Variants in HERC1 observed in about 807,000 individuals in gnomAD.
HERC1 encodes the protein HECT and RLD domain containing E3 ubiquitin protein ligase family member 1, also known as probable E3 ubiquitin-protein ligase HERC1.
Under a neutral mutation model 554.3 loss-of-function variants are expected in HERC1, and 160 were observed. The ratio of observed to expected loss-of-function variants is 0.29; its 90% CI spans 0.25 to 0.33. The LOEUF (loss-of-function observed/expected upper bound fraction) is 0.33. Among genes scored for constraint, HERC1 ranks in the 10% least tolerant of loss-of-function variants. The pLI is 1.00. For synonymous variants in HERC1, 2,175 were observed against 2,131.7 expected, an observed-to-expected ratio of 1.02 and a Z score of -0.56; for missense variants, 4,919 against 5,918.5, an observed-to-expected ratio of 0.83 and a Z score of 5.54.
Position 63,666,396 on chromosome 15 carries a change from C to T in HERC1, c.8283G>A (p.Gly2761=), listed in dbSNP as rs777417470. The T allele has an allele frequency of 6.8e-6, 11 of 1,613,696 alleles. No individual in the cohort carries two copies. Among genetic ancestry groups the T allele is most frequent in the Admixed American group, 3.3e-5 (2 of 59,996 alleles). ...PAIAVPLLEM[G]FSLRQIAKAM... ...CTTTGGCAATCTGCCGAAGAGAGAACCCCATTTCCAGCAAGGGAACTGCAA... is the reference window on the plus strand; with the variant it reads ...CTTTGGCAATCTGCCGAAGAGAGAATCCCATTTCCAGCAAGGGAACTGCAA... The change falls in exon 41 of 78, where the codon GGG becomes GGA. Residue 2761 remains glycine, a synonymous_variant. Transcript: ENST00000443617.
chr15:63,746,397 C>T (rs568552058), intron 12 of HERC1, among the ~76,000 whole-genome samples: 19 of 152,054 alleles, frequency 1.2e-4, no homozygotes, highest in South Asian at 1.2e-3. Context: ...TTTTAAGTTT[C>T]CCCCAAATTT....
In HERC1 at chr15:63,638,509, C is replaced by A. The variant is rs765589378; in HGVS notation, c.11995G>T (p.Val3999Phe). Reference sequence around the variant, plus strand: ...TGCCTACCAGCACCCCATAAGTAGACATCACATTTACCTCCCAGGTGCCAG... The same window carrying A: ...TGCCTACCAGCACCCCATAAGTAGAAATCACATTTACCTCCCAGGTGCCAG... ...EDWHLGGKCD[V>F]YLWGAGRHGQ... Residue 3999 changes from valine to phenylalanine, a missense_variant, in exon 63 of 78, where the codon GTC becomes TTC. Val to Phe is a conservative substitution (Grantham distance 50, BLOSUM62 -1). Around this residue, in one of 11 missense-constraint regions of HERC1, gnomAD observed 122 missense variants for 195.2 expected, o/e 0.63. Transcript: ENST00000443617. The A allele has an allele frequency of 6.2e-7, 1 of 1,613,902 alleles. No individual in the cohort carries two copies. Among genetic ancestry groups the A allele is most frequent in the Non-Finnish European group, 8.5e-7 (1 of 1,179,824 alleles).
chr15:63,635,158 C>T (rs2068727597), intron 65 of HERC1, among the ~76,000 whole-genome samples: 1 of 151,922 alleles, frequency 6.6e-6, no homozygotes, highest in African/African-American at 2.4e-5. Flanking sequence ...AGCAATCCTC[C>T]CACCTCAGCC....
intron 33 of HERC1, among the ~76,000 whole-genome samples, chr15:63,688,811 A>G (rs559312276): frequency 1.2e-4 from 18 of 152,254 alleles, no homozygotes; most frequent in African/African-American, 4.1e-4. Context: ...ATAATCTAGC[A>G]TTCCCAGGAA....
intron 61 of HERC1, among the ~76,000 whole-genome samples, chr15:63,639,693 G>C (rs1425086501): frequency 6.6e-6 from 1 of 152,158 alleles, no homozygotes; most frequent in Admixed American, 6.5e-5. Context: ...AGTTTCTAGA[G>C]TAGACACTCT....
intron 36 of HERC1, among the ~76,000 whole-genome samples, chr15:63,679,751 T>C (rs1354621717): frequency 1.3e-5 from 2 of 152,252 alleles, no homozygotes; most frequent in Non-Finnish European, 2.9e-5. Context: ...AGCATCTTAT[T>C]ACATTTAAAA....
chr15:63,799,941 G>C (rs12324720), intron 1 of HERC1, among the ~76,000 whole-genome samples: 1 of 151,938 alleles, frequency 6.6e-6, no homozygotes, highest in East Asian at 1.9e-4. Flanking sequence ...CTGAGCCTGC[G>C]CAACAGTGTG....
rs559414819 is a variant in HERC1, at chr15:63,699,027, T to C, written c.4637-31A>G. ...TACAAACAGAATAAACATATATCAA[T>C]GGCAATCAAGTAGAGCATACATTCT... On this transcript the variant is annotated intron_variant, in intron 25 of 77. Transcript: ENST00000443617. 4.5e-6 allele frequency: 7 copies of C among 1,566,848 alleles called. No individual in the cohort carries two copies. The East Asian group carries it at 6.8e-5, about 15-fold the overall frequency.
chr15:63,626,055 C>A lies in HERC1; in HGVS notation c.13205G>T (p.Arg4402Leu), dbSNP rs369029117. 22 of 1,612,864 alleles carry A rather than the reference C, an allele frequency of 1.4e-5. No individual in the cohort carries two copies. The highest frequency in any genetic ancestry group is 2.7e-5 in the African/African-American group (2 of 74,892). ...GAGGTCAGAGAAGTGGTAGAGCAGC[C>A]GGAGCCTGGCCCGCACCGTGTGAAT... ...VSIHTVRARL[R>L]LLYHFSDLMY... Residue 4402 changes from arginine to leucine, a missense_variant, in exon 71 of 78, where the codon CGG becomes CTG. By Grantham distance (102) the Arg-to-Leu change is moderately radical. This residue lies in a region of HERC1 where 410 missense variants were observed against 467.0 expected (regional missense o/e 0.88). Coordinates refer to ENST00000443617, the MANE Select transcript of HERC1 (RefSeq NM_003922.4).
At chr15:63,690,883 T>G (rs1479612770) in intron 31 of HERC1, among the ~76,000 whole-genome samples, 1 of 152,182 alleles carries the variant, frequency 6.6e-6, no homozygotes, top group African/African-American at 2.4e-5. Flanking sequence ...TGTAAAAAAG[T>G]ATCTGTGCCA....
In HERC1 at chr15:63,692,955, C is replaced by T. The variant is rs1362019199; in HGVS notation, c.5675-389G>A. On this transcript the variant is annotated intron_variant, in intron 30 of 77. Coordinates refer to ENST00000443617, the MANE Select transcript of HERC1 (RefSeq NM_003922.4). The surrounding 1 kb of genome is among the most constrained non-coding windows in gnomAD (Gnocchi z 4.7). ...CAGCACTTTGGGAGGTCGAGGCGGG[C>T]GGATCACTTGAGGTCAGGAGTTCAA... is the stretch of plus-strand genomic sequence containing the variant. 6.6e-6 allele frequency among the ~76,000 whole-genome samples: 1 copy of T among 151,892 alleles called. No homozygotes were observed. Among genetic ancestry groups the T allele is most frequent in the African/African-American group, 2.4e-5 (1 of 41,358 alleles).
intron 1 of HERC1, among the ~76,000 whole-genome samples, chr15:63,785,889 G>T (rs758890506): frequency 2.0e-5 from 3 of 151,970 alleles, no homozygotes; most frequent in Non-Finnish European, 4.4e-5. Flanking sequence ...TTCTTTTTTA[G>T]AGACAGAGGT....
chr15:63,672,604 A>C lies in HERC1; in HGVS notation c.7937T>G (p.Phe2646Cys), dbSNP rs1311885906. 1.9e-6 allele frequency: 3 copies of C among 1,612,744 alleles called. No homozygotes were observed. The highest frequency in any genetic ancestry group is 2.5e-6 in the Non-Finnish European group (3 of 1,179,378). Residue 2646 changes from phenylalanine (F) to cysteine (C), a missense_variant, in exon 39 of 78, where the codon TTT (phenylalanine) becomes TGT (cysteine). Phe to Cys is a radical substitution (Grantham distance 205). Coordinates refer to ENST00000443617, the MANE Select transcript of HERC1 (RefSeq NM_003922.4). ...GGTGTCCTCCAGAGAGCTGCTCATAAAGGAGGTCGTGCTTGAGGCTGATGG... is the reference window on the plus strand; with the variant it reads ...GGTGTCCTCCAGAGAGCTGCTCATACAGGAGGTCGTGCTTGAGGCTGATGG... ...TSPSASSTTS[F>C]MSSSLEDTTT...
At position 63,609,281 on chromosome 15, in the gene HERC1, C is replaced by T; in HGVS notation, c.14401-15G>A. The T allele has an allele frequency of 6.3e-7, 1 of 1,592,676 alleles. No homozygotes were observed. The highest frequency in any genetic ancestry group is 8.6e-7 in the Non-Finnish European group (1 of 1,167,508). ...CTGTCGTAAGGCTGTGGAGAGAGACCCAGAGCCGTGACTGGGGACATCAGA... is the reference window on the plus strand; with the variant it reads ...CTGTCGTAAGGCTGTGGAGAGAGACTCAGAGCCGTGACTGGGGACATCAGA... On this transcript the variant is annotated splice_polypyrimidine_tract_variant and intron_variant, in intron 77 of 77. Transcript: ENST00000443617.
At chr15:63,813,311 GACACACACACACACACACACAC>G (rs10534978) in intron 1 of HERC1, among the ~76,000 whole-genome samples, 1 of 139,506 alleles carries the variant, frequency 7.2e-6, no homozygotes, top group African/African-American at 2.7e-5. Context: ...ATCAGAGATG[GACACACACACACACACACACAC>G]ACACACACAC....
rs550166723 is a variant in HERC1 at position 63,746,998 on chromosome 15, T to C, written c.2440A>G (p.Ile814Val). The C allele has an allele frequency of 6.3e-7, 1 of 1,576,894 alleles. No homozygotes were observed. Among genetic ancestry groups the C allele is most frequent in the South Asian group, 1.2e-5 (1 of 85,406 alleles). Residue 814 changes from isoleucine to valine, a missense_variant, in exon 12 of 78, where the codon ATT becomes GTT. By Grantham distance (29) the Ile-to-Val change is conservative. Transcript: ENST00000443617. ...LALAGGVATS[I>V]LGRQAGPLRN... ...AGTGGACCTGCCTGCCTCCCGAGAA[T>C]GCTGGTAGCTACCCCTCCCGCAAGT... is the stretch of plus-strand genomic sequence containing the variant.
chr15:63,749,265 T>A lies in HERC1; in HGVS notation c.2219+102A>T. On this transcript the variant is annotated intron_variant, in intron 10 of 77. Coordinates refer to ENST00000443617, the MANE Select transcript of HERC1 (RefSeq NM_003922.4). The surrounding 1 kb of genome is among the most constrained non-coding windows in gnomAD (Gnocchi z 4.1). ...TACTATATATGTTCAGAAGAGTATTTTATGAACAAAGCACAATTATTTCTG... is the reference window on the plus strand; with the variant it reads ...TACTATATATGTTCAGAAGAGTATTATATGAACAAAGCACAATTATTTCTG... 1 of 916,294 alleles carries A rather than the reference T, an allele frequency of 1.1e-6. No individual in the cohort carries two copies. The highest frequency in any genetic ancestry group is 1.7e-5 in the African/African-American group (1 of 59,824). 56.8% of individuals were successfully genotyped at this position (916,294 alleles called of 1,614,324 possible).
chr15:63,756,852 A>G lies in HERC1; in HGVS notation c.1222-104T>C, dbSNP rs1482322589. The G allele has an allele frequency of 4.5e-6, 3 of 671,984 alleles. No homozygotes were observed. Among genetic ancestry groups the G allele is most frequent in the Non-Finnish European group, 7.4e-6 (3 of 408,154 alleles). 41.6% of individuals were successfully genotyped at this position (671,984 alleles called of 1,614,324 possible). On this transcript the variant is annotated intron_variant, in intron 4 of 77. Transcript: ENST00000443617. The surrounding 1 kb of genome is among the most constrained non-coding windows in gnomAD (Gnocchi z 5.0). The stretch of plus-strand genomic sequence containing the variant: ...GCCTCAAAGGAAGTCTTTTAGCAGG[A>G]TACGGCATGATTCTCCAGAGAGATT...
intron 32 of HERC1, among the ~76,000 whole-genome samples, chr15:63,690,094 C>T (rs183067570): frequency 2.8e-5 from 4 of 144,856 alleles, no homozygotes; most frequent in Non-Finnish European, 4.5e-5. Context: ...ACCCAGGAGG[C>T]GGAGGCTGCA....
Sources: gnomAD v4.1 joint callset for allele counts (sites outside exome capture counted in the v4.1 genomes callset) on GRCh38, gnomAD v4.1.1 for gene constraint, gnomAD v4.1.1 regional missense constraint, Gnocchi (gnomAD v3.1) non-coding constraint, MANE v1.5 for transcripts, NCBI Gene and HGNC (gene_info 2026-07-23, HGNC 2026-07-21) for gene names.